FTCDNL1: variants seen among roughly 807,000 people sequenced by gnomAD.
FTCDNL1 encodes the protein formiminotransferase N-terminal subdomain-containing protein.
A neutral mutation model predicts 5.9 loss-of-function variants in FTCDNL1; 11 were observed. The ratio of observed to expected loss-of-function variants is 1.87; its 90% confidence interval spans 1.18 to 3.10. The LOEUF (loss-of-function observed/expected upper bound fraction) is 3.10. FTCDNL1 is among the 30% of genes most tolerant of loss of function. The pLI is 0.00. For synonymous variants in FTCDNL1, 58 were observed against 24.8 expected, an observed-to-expected ratio of 2.34 and a Z score of -3.99; for missense variants, 115 against 65.5, an observed-to-expected ratio of 1.76 and a Z score of -2.61.
chr2:199,740,586 G>C, the FTCDNL1 span, among the ~76,000 whole-genome samples: 1 of 152,338 alleles, frequency 6.6e-6, no homozygotes, highest in East Asian at 1.9e-4. Context: ...GGGGTGAGCT[G>C]TGATCAAGGT....
intron 3 of FTCDNL1, among the ~76,000 whole-genome samples, chr2:199,803,059 T>C (rs1700538671): frequency 6.6e-6 from 1 of 151,674 alleles, no homozygotes; most frequent in African/African-American, 2.4e-5. Context: ...CCAGCTGTGG[T>C]GGTGTGCACC....
the FTCDNL1 span, among the ~76,000 whole-genome samples, chr2:199,741,276 TCAAATAAAA>T: frequency 6.6e-6 from 1 of 151,968 alleles, no homozygotes; most frequent in Non-Finnish European, 1.5e-5. Flanking sequence ...ACCCTGTCTC[TCAAATAAAA>T]CAAAACAAAA....
At chr2:199,846,553 C>T (rs888842536) in intron 2 of FTCDNL1, among the ~76,000 whole-genome samples, 3 of 152,202 alleles carry the variant, frequency 2.0e-5, no homozygotes, top group Admixed American at 2.0e-4. Flanking sequence ...ATATTTCCTT[C>T]CAAAATCCAG....
At chr2:199,832,881 T>C (rs1350387971) in intron 3 of FTCDNL1, among the ~76,000 whole-genome samples, 5 of 152,022 alleles carry the variant, frequency 3.3e-5, no homozygotes, top group Non-Finnish European at 7.4e-5. Context: ...TCTTAGAGAC[T>C]GAAAAAGAAG....
At chr2:199,822,487 C>T (rs1701759445) in intron 3 of FTCDNL1, among the ~76,000 whole-genome samples, 4 of 152,218 alleles carry the variant, frequency 2.6e-5, no homozygotes, top group Admixed American at 6.5e-5. Context: ...TTCTGGCCTT[C>T]ATCTTGATTG....
In FTCDNL1 at chr2:199,851,098, A is replaced by T. The variant is rs2076866166; in HGVS notation, c.-366T>A. The T allele has an allele frequency of 1.4e-5, 2 of 143,958 alleles. No homozygotes were observed. Among genetic ancestry groups the T allele is most frequent in the Non-Finnish European group, 3.1e-5 (2 of 63,842 alleles). The allele number at this position is 143,958 out of a possible 1,614,324, so 8.9% of individuals were successfully genotyped here. On this transcript the variant is annotated 5_prime_UTR_variant, in exon 1 of 5. Transcript: ENST00000420128. ...TGCGAGCGCCGAAGGGCGGTGGGGCAGGGCGACCGCCCAGCCCAAGTCGCC... is the reference window on the plus strand; with the variant it reads ...TGCGAGCGCCGAAGGGCGGTGGGGCTGGGCGACCGCCCAGCCCAAGTCGCC...
At chr2:199,747,953 G>T in the FTCDNL1 span, among the ~76,000 whole-genome samples, 2 of 152,064 alleles carry the variant, frequency 1.3e-5, no homozygotes, top group African/African-American at 4.8e-5. Flanking sequence ...CTAATTATTA[G>T]ATTTTTCTCT....
At chr2:199,681,823 T>C in the FTCDNL1 span, among the ~76,000 whole-genome samples, 1 of 152,240 alleles carries the variant, frequency 6.6e-6, no homozygotes, top group East Asian at 1.9e-4. Flanking sequence ...TCATGTAGCG[T>C]CGTCATTCCA....
chr2:199,801,475 C>G (rs1559199330), intron 3 of FTCDNL1, among the ~76,000 whole-genome samples: 1 of 151,792 alleles, frequency 6.6e-6, no homozygotes, highest in African/African-American at 2.4e-5. Context: ...GGTGAGACTC[C>G]GTCTCTATCA....
the FTCDNL1 span, among the ~76,000 whole-genome samples, chr2:199,701,199 T>C: frequency 6.6e-6 from 1 of 151,328 alleles, no homozygotes; most frequent in African/African-American, 2.4e-5. Flanking sequence ...TAGCATTCCA[T>C]CTAAAAATGC....
chr2:199,694,036 T>C, the FTCDNL1 span, among the ~76,000 whole-genome samples: 25 of 152,318 alleles, frequency 1.6e-4, no homozygotes, highest in African/African-American at 5.8e-4. Context: ...AAGGATTGGG[T>C]ATTTAATTCC....
chr2:199,718,040 C>T, the FTCDNL1 span, among the ~76,000 whole-genome samples: 1 of 150,410 alleles, frequency 6.6e-6, no homozygotes, highest in Non-Finnish European at 1.5e-5. Context: ...CAAAATGGCC[C>T]AAAAATGTTT....
chr2:199,670,019 A>T, the FTCDNL1 span, among the ~76,000 whole-genome samples: 1 of 152,204 alleles, frequency 6.6e-6, no homozygotes, highest in African/African-American at 2.4e-5. Context: ...ACTACAATTC[A>T]AAATTAAAAT....
the FTCDNL1 span, among the ~76,000 whole-genome samples, chr2:199,687,113 A>G: frequency 6.6e-6 from 1 of 152,226 alleles, no homozygotes; most frequent in Non-Finnish European, 1.5e-5. Flanking sequence ...TCCATTTTAA[A>G]TTACAGAACC....
chr2:199,825,245 AC>A (rs1224380920), intron 3 of FTCDNL1, among the ~76,000 whole-genome samples: 1 of 152,212 alleles, frequency 6.6e-6, no homozygotes, highest in Admixed American at 6.5e-5. Flanking sequence ...AAGTGAACAC[AC>A]GCTGTTGGAA....
the FTCDNL1 span, among the ~76,000 whole-genome samples, chr2:199,666,062 C>A: frequency 1.3e-5 from 2 of 152,176 alleles, no homozygotes; most frequent in Non-Finnish European, 2.9e-5. Flanking sequence ...ATTTAACCTG[C>A]TAAAGTTACT....
At chr2:199,819,316 C>A in intron 4 of FTCDNL1, 1 of 452,302 alleles carries the variant, frequency 2.2e-6, no homozygotes. Flanking sequence ...CATCAGTGAT[C>A]ACGTTGCAGG....
chr2:199,796,669 GAC>G (rs1031692425), intron 3 of FTCDNL1, among the ~76,000 whole-genome samples: 9 of 152,014 alleles, frequency 5.9e-5, no homozygotes, highest in Non-Finnish European at 1.2e-4. Flanking sequence ...AATTGTGACT[GAC>G]ACAGTCTCTG....
chr2:199,758,490 C>T (rs796640964), downstream of FTCDNL1, among the ~76,000 whole-genome samples: 2 of 151,674 alleles, frequency 1.3e-5, no homozygotes, highest in South Asian at 4.2e-4. Flanking sequence ...CAAAGACCCT[C>T]ATACTTCATA....
Sources: allele counts gnomAD v4.1 joint callset (sites outside exome capture counted in the v4.1 genomes callset), GRCh38; gene constraint gnomAD v4.1.1; transcripts MANE v1.5; gene names NCBI Gene and HGNC (gene_info 2026-07-23, HGNC 2026-07-21).